Variants in GADL1 observed in about 807,000 individuals in gnomAD.
GADL1 encodes GAD like acidic amino acid decarboxylase 1.
A neutral mutation model predicts 69.5 loss-of-function variants in GADL1; 71 were observed. The ratio of observed to expected loss-of-function variants is 1.02; its 90% CI spans 0.84 to 1.25. The LOEUF is 1.25. Among genes scored for constraint, GADL1 ranks in the 50% most tolerant of loss-of-function variants. The pLI is 0.00. For synonymous variants in GADL1, 254 were observed against 214.4 expected, an observed-to-expected ratio of 1.18 and a Z score of -1.62; for missense variants, 737 against 631.8, an observed-to-expected ratio of 1.17 and a Z score of -1.79.
intron 14 of GADL1, among the ~76,000 whole-genome samples, chr3:30,751,414 C>T (rs532805068): frequency 2.6e-5 from 4 of 151,736 alleles, no homozygotes; most frequent in Non-Finnish European, 2.9e-5. Context: ...TTACTCCGTT[C>T]TTCTGTTGCT....
At chr3:30,752,163 C>T (rs913471883) in intron 14 of GADL1, among the ~76,000 whole-genome samples, 7 of 149,306 alleles carry the variant, frequency 4.7e-5, no homozygotes, top group African/African-American at 1.5e-4. Context: ...GCAGAAGATG[C>T]GGCTCTGATG....
At position 30,886,006 on chromosome 3, in the gene GADL1, G is replaced by A. The variant is rs575505174; in HGVS notation, c.37+8572C>T. ...ATAATTGCCAGAAAATTAATAAAGAGATCAAAAACAGATTAGCAATAAATT... is the reference window on the plus strand; with the variant it reads ...ATAATTGCCAGAAAATTAATAAAGAAATCAAAAACAGATTAGCAATAAATT... On this transcript the variant is annotated intron_variant, in intron 1 of 14. Coordinates refer to ENST00000282538, the MANE Select transcript of GADL1 (RefSeq NM_207359.3). Among the ~76,000 whole-genome samples, 219 of 152,002 alleles carry A rather than the reference G, an allele frequency of 1.4e-3. 3 individuals carry two copies. The highest frequency in any genetic ancestry group is 5.0e-3 in the African/African-American group (208 of 41,506).
intron 11 of GADL1, among the ~76,000 whole-genome samples, chr3:30,824,652 A>G (rs1697652735): frequency 6.6e-6 from 1 of 151,842 alleles, no homozygotes; most frequent in South Asian, 2.1e-4. Context: ...TCTTAAAGAC[A>G]TAAGCTTGAG....
intron 6 of GADL1, 22 bp downstream of exon 6, chr3:30,849,974 C>A (rs757950157): frequency 7.4e-7 from 1 of 1,356,530 alleles, no homozygotes; most frequent in Non-Finnish European, 1.1e-6. Context: ...AATCTATATT[C>A]AATACCAAAA....
chr3:30,755,824 C>CTTTT (rs3042992), intron 14 of GADL1, among the ~76,000 whole-genome samples: 36,429 of 151,528 alleles, frequency 0.24, 4,838 homozygotes, highest in East Asian at 0.32. Flanking sequence ...GCCAAAGGTA[C>CTTTT]TTTTTTTCCT....
chr3:30,811,196 C>T (rs1414342578), intron 11 of GADL1, among the ~76,000 whole-genome samples: 1 of 152,102 alleles, frequency 6.6e-6, no homozygotes, highest in Non-Finnish European at 1.5e-5. Context: ...TCCTTAAATA[C>T]CCCTAACTAA....
At chr3:30,853,744 C>T (rs999924282) in intron 4 of GADL1, among the ~76,000 whole-genome samples, 1 of 152,100 alleles carries the variant, frequency 6.6e-6, no homozygotes, top group African/African-American at 2.4e-5. Flanking sequence ...GTATCCCATC[C>T]TTTCTGTTTT....
At chr3:30,767,441 T>C (rs947792191) in intron 14 of GADL1, among the ~76,000 whole-genome samples, 6 of 152,100 alleles carry the variant, frequency 3.9e-5, no homozygotes, top group Non-Finnish European at 8.8e-5. Context: ...ATAGAACAGA[T>C]TGGAAAACTG....
Position 30,796,553 on chromosome 3 carries a change from G to A in GADL1, c.1250+4336C>T, listed in dbSNP as rs184635655. ...ACTCTCAAATAATTAAACTTTCCTC[G>A]GGATTGTTGAGAGAGGAGTACTTTA... On this transcript the variant is annotated intron_variant, in intron 12 of 14. Coordinates refer to ENST00000282538, the MANE Select transcript of GADL1 (RefSeq NM_207359.3). Among the ~76,000 whole-genome samples, 43 of 152,160 alleles carry A rather than the reference G, an allele frequency of 2.8e-4. No individual in the cohort carries two copies. In the Middle Eastern group the frequency reaches 0.01, roughly 37 times the overall value.
rs189411132 is a variant in GADL1 at position 30,886,102 on chromosome 3, T to G, written c.37+8476A>C. 1.6e-4 allele frequency among the ~76,000 whole-genome samples: 25 copies of G among 152,198 alleles called. No homozygotes were observed. In the East Asian group the frequency reaches 3.9e-3, roughly 24 times the overall value. On this transcript the variant is annotated intron_variant, in intron 1 of 14. Transcript: ENST00000282538. Reference sequence around the variant, plus strand: ...GTTTGCAAAACTGCCCCATAATGCATCACAATGAAAATTACTAATATTTGA... The same window carrying G: ...GTTTGCAAAACTGCCCCATAATGCAGCACAATGAAAATTACTAATATTTGA...
At chr3:30,766,506 A>G (rs1249573718) in intron 14 of GADL1, among the ~76,000 whole-genome samples, 1 of 150,716 alleles carries the variant, frequency 6.6e-6, no homozygotes, top group Non-Finnish European at 1.5e-5. Flanking sequence ...AGTGGTTTAC[A>G]TGTACTATCC....
At chr3:30,885,866 C>T (rs553463940) in intron 1 of GADL1, among the ~76,000 whole-genome samples, 2 of 152,004 alleles carry the variant, frequency 1.3e-5, no homozygotes, top group African/African-American at 2.4e-5. Flanking sequence ...TTTGTCCTCC[C>T]GAAGTACTGG....
At chr3:30,851,523 A>T (rs551223493) in intron 4 of GADL1, among the ~76,000 whole-genome samples, 2 of 152,140 alleles carry the variant, frequency 1.3e-5, no homozygotes, top group Non-Finnish European at 2.9e-5. Flanking sequence ...TCAATGAAGG[A>T]TGTGTTGCTC....
intron 13 of GADL1, among the ~76,000 whole-genome samples, chr3:30,785,875 A>T (rs913421121): frequency 6.6e-6 from 1 of 152,244 alleles, no homozygotes; most frequent in African/African-American, 2.4e-5. Context: ...CTACATTTGT[A>T]ACCACCTAAT....
In GADL1 at chr3:30,834,226, C is replaced by T. The variant is rs746186787; in HGVS notation, c.959G>A (p.Gly320Asp). The T allele has an allele frequency of 6.2e-7, 1 of 1,612,596 alleles. No homozygotes were observed. The highest frequency in any genetic ancestry group is 1.1e-5 in the South Asian group (1 of 91,022). Residue 320 changes from glycine (G) to aspartate (D), a missense_variant, in exon 10 of 15, where the codon GGC becomes GAC. Transcript: ENST00000282538. ...AGGAAACTACATTTACCTGTGGATG[C>T]CATGCAGAAGCTTGCGGTGCTTCCT... ...MSRKHRKLLHGIHRADSVAWN... is the reference protein window; with the variant it reads ...MSRKHRKLLHDIHRADSVAWN...
At chr3:30,759,199 T>G (rs1696059539) in intron 14 of GADL1, among the ~76,000 whole-genome samples, 1 of 152,154 alleles carries the variant, frequency 6.6e-6, no homozygotes, top group Admixed American at 6.5e-5. Context: ...GGCAGCCCAG[T>G]TCTAGGGTAG....
intron 1 of GADL1, among the ~76,000 whole-genome samples, chr3:30,880,653 A>G (rs1698631010): frequency 6.6e-6 from 1 of 151,910 alleles, no homozygotes; most frequent in African/African-American, 2.4e-5. Context: ...TTGAGAATGG[A>G]CTAATACATA....
At chr3:30,800,654 G>C (rs1297958233) in intron 12 of GADL1, 1 of 526,448 alleles carries the variant, frequency 1.9e-6, no homozygotes, top group Non-Finnish European at 3.4e-6. Context: ...ATCTTGGAGG[G>C]AGGTGATAGG....
chr3:30,816,631 C>T (rs981894273), intron 11 of GADL1, among the ~76,000 whole-genome samples: 15 of 142,930 alleles, frequency 1.0e-4, no homozygotes, highest in Admixed American at 2.9e-4. Flanking sequence ...CTGCAACCTC[C>T]GCCTCCCAGT....
Sources: gnomAD v4.1 joint callset for allele counts (sites outside exome capture counted in the v4.1 genomes callset) on GRCh38, gnomAD v4.1.1 for gene constraint, MANE v1.5 for transcripts, NCBI Gene and HGNC (gene_info 2026-07-23, HGNC 2026-07-21) for gene names.